Variants in SLC45A4 observed in about 807,000 individuals in gnomAD.
SLC45A4 encodes the protein polyamine-transporter SLC45A4.
In SLC45A4, 32 loss-of-function variants were observed where a neutral mutation model predicts 63.7. The observed-to-expected ratio is 0.50, with a 90% confidence interval of 0.38 to 0.67. The LOEUF is 0.67. Among genes scored for constraint, SLC45A4 ranks in the 30% least tolerant of loss-of-function variants. The pLI is 0.00. For missense variants in SLC45A4, 1,027 were observed against 1,157.7 expected (o/e 0.89, Z 1.64); for synonymous variants, 535 against 510.0 (o/e 1.05, Z -0.66).
chr8:141,218,178 C>A lies in SLC45A4; in HGVS notation c.1462G>T (p.Gly488Trp), dbSNP rs373785691. 1.5e-5 allele frequency: 24 copies of A among 1,605,898 alleles called. No individual in the cohort carries two copies. Among genetic ancestry groups the A allele is most frequent in the Non-Finnish European group, 1.9e-5 (23 of 1,179,898 alleles). Residue 488 changes from glycine to tryptophan, a missense_variant, in exon 5 of 9, where the codon GGG (glycine) becomes TGG (tryptophan). Coordinates refer to ENST00000517878, the MANE Select transcript of SLC45A4 (RefSeq NM_001286646.2). ...TSSGDTESEE[G>W]EGETTVRLLW... ...AGGCGCACCGTGGTCTCGCCCTCCC[C>A]CTCCTCACTCTCGGTGTCCCCGCTG...
At chr8:141,291,318 G>A (rs2154615287) in intron 1 of SLC45A4, among the ~76,000 whole-genome samples, 1 of 152,282 alleles carries the variant, frequency 6.6e-6, no homozygotes, top group South Asian at 2.1e-4. Flanking sequence ...GGAGAAAGAG[G>A]GCTGGGGGAC....
intron 2 of SLC45A4, among the ~76,000 whole-genome samples, chr8:141,239,599 C>CGCACAT (rs1491433523): frequency 6.6e-6 from 1 of 151,782 alleles, no homozygotes; most frequent in African/African-American, 2.4e-5. Flanking sequence ...CACACACACA[C>CGCACAT]GCACGCACAC....
chr8:141,246,807 C>T (rs1828228004), intron 2 of SLC45A4, among the ~76,000 whole-genome samples: 1 of 152,140 alleles, frequency 6.6e-6, no homozygotes, highest in Admixed American at 6.5e-5. Flanking sequence ...ATGCTATAAG[C>T]TTCACCTTAA....
chr8:141,212,355 T>C lies in SLC45A4; in HGVS notation c.2143A>G (p.Ile715Val), dbSNP rs753400578. 6 of 1,613,496 alleles carry C rather than the reference T, an allele frequency of 3.7e-6. No homozygotes were observed. Among genetic ancestry groups the C allele is most frequent in the Non-Finnish European group, 3.4e-6 (4 of 1,179,984 alleles). ...LGFLTATFLV[I>V]YPNVSEEAKE... ...GCCTCCTCTGACACGTTGGGATAGA[T>C]CACCAGGAATGTGGCCGTCAGGAAG... is the stretch of plus-strand genomic sequence containing the variant. Residue 715 changes from isoleucine to valine, a missense_variant, in exon 8 of 9, where the codon ATC (isoleucine) becomes GTC (valine). Ile to Val is a conservative substitution (Grantham distance 29). Coordinates refer to ENST00000517878, the MANE Select transcript of SLC45A4 (RefSeq NM_001286646.2).
chr8:141,282,767 C>T (rs186483733), intron 1 of SLC45A4, among the ~76,000 whole-genome samples: 290 of 152,350 alleles, frequency 1.9e-3, no homozygotes, highest in Middle Eastern at 3.4e-3. Context: ...GTCTGCCGTG[C>T]GCCTCCAGTG....
chr8:141,257,024 T>C (rs1828828719), intron 1 of SLC45A4, among the ~76,000 whole-genome samples: 1 of 152,110 alleles, frequency 6.6e-6, no homozygotes, highest in African/African-American at 2.4e-5. Context: ...CAGCTAACTT[T>C]TGTATTTTTA....
At position 141,207,675 on chromosome 8, in the gene SLC45A4, GCA is replaced by G. The variant is rs1311037097; in HGVS notation, c.*3895_*3896del. Reference sequence around the variant, plus strand: ...CACCAGGGGATGGTCTCAGTCCACGGCACAGAGCGACGTGCCCCTGGCAGCAC... The same window carrying G: ...CACCAGGGGATGGTCTCAGTCCACGGCAGAGCGACGTGCCCCTGGCAGCAC... On this transcript the variant is annotated 3_prime_UTR_variant, in exon 9 of 9. Coordinates refer to ENST00000517878, the MANE Select transcript of SLC45A4 (RefSeq NM_001286646.2). 5 of 152,246 alleles carry G rather than the reference GCA, an allele frequency of 3.3e-5. No homozygotes were observed. Among genetic ancestry groups the G allele is most frequent in the Non-Finnish European group, 7.3e-5 (5 of 68,054 alleles). The allele number at this position is 152,246 out of a possible 1,614,324, so 9.4% of individuals were successfully genotyped here. A position where few individuals can be genotyped will look rare whatever the true frequency, so the allele number is the denominator to read the frequency against.
chr8:141,254,088 G>A lies in SLC45A4; in HGVS notation c.142C>T (p.Pro48Ser), dbSNP rs1406784047. Reference sequence around the variant, plus strand: ...CCGTGCATCACCCACAGGCGCATGGGGATTCGGTCTATGGACCCCTCGCTG... The same window carrying A: ...CCGTGCATCACCCACAGGCGCATGGAGATTCGGTCTATGGACCCCTCGCTG... ...TISEGSIDRI[P>S]MRLWVMHGAV... The change falls in exon 2 of 9, where the codon CCC becomes TCC. Residue 48 changes from proline to serine, a missense_variant. Coordinates refer to ENST00000517878, the MANE Select transcript of SLC45A4 (RefSeq NM_001286646.2). This position sits in a 1 kb window ranked among gnomAD's most constrained non-coding sequence, Gnocchi z 4.5. The A allele has an allele frequency of 6.5e-7, 1 of 1,536,044 alleles. No individual in the cohort carries two copies. Among genetic ancestry groups the A allele is most frequent in the African/African-American group, 1.4e-5 (1 of 73,056 alleles).
chr8:141,288,873 C>A (rs958050355), intron 1 of SLC45A4, among the ~76,000 whole-genome samples: 5 of 152,254 alleles, frequency 3.3e-5, no homozygotes, highest in Non-Finnish European at 5.9e-5. Context: ...TGGGACTCCC[C>A]GTCCAAATGC....
At chr8:141,275,136 T>C (rs185454063) in intron 1 of SLC45A4, among the ~76,000 whole-genome samples, 1 of 152,330 alleles carries the variant, frequency 6.6e-6, no homozygotes, top group African/African-American at 2.4e-5. Context: ...AGAGAGGAGT[T>C]ATCCCATAAC....
intron 1 of SLC45A4, among the ~76,000 whole-genome samples, chr8:141,280,554 C>T (rs1829894482): frequency 6.6e-6 from 1 of 152,078 alleles, no homozygotes; most frequent in African/African-American, 2.4e-5. Context: ...GGTGTTGAGG[C>T]CGGCTCTGAG....
chr8:141,286,030 CTT>C (rs1830133139), intron 1 of SLC45A4, among the ~76,000 whole-genome samples: 1 of 152,212 alleles, frequency 6.6e-6, no homozygotes, highest in South Asian at 2.1e-4. Context: ...CTCTGTGGCT[CTT>C]GTTACTGACC....
At chr8:141,233,045 G>A (rs938059132) in intron 2 of SLC45A4, among the ~76,000 whole-genome samples, 8 of 152,248 alleles carry the variant, frequency 5.3e-5, no homozygotes, top group South Asian at 2.1e-4. Flanking sequence ...ACACCAAGGC[G>A]AAAGGGAGTC....
intron 1 of SLC45A4, among the ~76,000 whole-genome samples, chr8:141,298,211 C>CG (rs1266594843): frequency 2.0e-4 from 30 of 152,354 alleles, no homozygotes; most frequent in Admixed American, 2.0e-4. Context: ...GGGGATAACA[C>CG]GATTACACTA....
intron 2 of SLC45A4, among the ~76,000 whole-genome samples, chr8:141,242,671 T>C (rs138448173): frequency 7.9e-4 from 120 of 152,176 alleles, no homozygotes; most frequent in African/African-American, 2.7e-3. Context: ...AGTCGCTGAG[T>C]CAAACTCCTC....
At chr8:141,307,545 G>T (rs908666144) in intron 1 of SLC45A4, among the ~76,000 whole-genome samples, 1 of 152,004 alleles carries the variant, frequency 6.6e-6, no homozygotes, top group African/African-American at 2.4e-5. Context: ...GGGGAAGAAG[G>T]GGAAGAAGGG....
intron 1 of SLC45A4, among the ~76,000 whole-genome samples, chr8:141,304,971 G>C (rs1377495580): frequency 1.3e-5 from 2 of 152,142 alleles, no homozygotes; most frequent in Non-Finnish European, 2.9e-5. Context: ...CCACCCAAAT[G>C]GCAAGGGGTT....
chr8:141,230,287 C>T (rs1202967572), intron 2 of SLC45A4: 1 of 362,606 alleles, frequency 2.8e-6, no homozygotes, highest in Admixed American at 3.7e-5. Flanking sequence ...GTCAGAGCAC[C>T]CCATCTCAAC....
intron 2 of SLC45A4, among the ~76,000 whole-genome samples, chr8:141,223,879 G>A (rs75115044): frequency 0.012 from 1,880 of 152,320 alleles, 38 homozygotes; most frequent in African/African-American, 0.043. Flanking sequence ...GACCCACAGA[G>A]GGCTCGAACA....
Sources: gnomAD v4.1 joint callset for allele counts (sites outside exome capture counted in the v4.1 genomes callset) on GRCh38, gnomAD v4.1.1 for gene constraint, Gnocchi (gnomAD v3.1) non-coding constraint, MANE v1.5 for transcripts, NCBI Gene and HGNC (gene_info 2026-07-23, HGNC 2026-07-21) for gene names.